The following HTR4 variants were observed in gnomAD, a reference collection of about 807,000 sequenced individuals.
HTR4 encodes the protein 5-hydroxytryptamine receptor 4, also known as 5-hydroxytryptamine (serotonin) receptor 4, G protein-coupled.
Under a neutral mutation model 36.8 loss-of-function variants are expected in HTR4, and 16 were observed. The ratio of observed to expected loss-of-function variants is 0.43; its 90% CI spans 0.29 to 0.66. HTR4 has a LOEUF of 0.66. Ranked by LOEUF, HTR4 falls within the 30% of genes least tolerant of loss-of-function variation. The pLI, the probability that HTR4 is intolerant of heterozygous loss-of-function variation, is 0.13. For synonymous variants in HTR4, 189 were observed against 185.1 expected (o/e 1.02, Z -0.17); for missense variants, 438 against 490.9 (o/e 0.89, Z 1.02).
intron 5 of HTR4, among the ~76,000 whole-genome samples, chr5:148,466,505 C>T (rs756757378): frequency 2.0e-5 from 3 of 152,098 alleles, no homozygotes; most frequent in Admixed American, 6.5e-5. Context: ...GGAGCCATGA[C>T]GTACTCATTC....
chr5:148,523,370 G>A (rs748875247), intron 4 of HTR4, 24 bp from the exon 5 acceptor site: 15 of 1,579,214 alleles, frequency 9.5e-6, no homozygotes, highest in Non-Finnish European at 1.3e-5. Flanking sequence ...AGAGGGCAGA[G>A]CATAGGCATG....
chr5:148,611,633 C>T (rs369816190), intron 2 of HTR4, among the ~76,000 whole-genome samples: 1 of 148,156 alleles, frequency 6.7e-6, no homozygotes, highest in South Asian at 2.3e-4. Flanking sequence ...CGAGCAAAAT[C>T]ACCAGCTAAC....
At chr5:148,594,246 T>G (rs1208963813) in intron 2 of HTR4, among the ~76,000 whole-genome samples, 1 of 152,140 alleles carries the variant, frequency 6.6e-6, no homozygotes, top group East Asian at 1.9e-4. Flanking sequence ...AAGTGAGTTC[T>G]TAAAGGCGAA....
At chr5:148,619,840 A>C (rs1752848393) in intron 2 of HTR4, among the ~76,000 whole-genome samples, 1 of 152,216 alleles carries the variant, frequency 6.6e-6, no homozygotes, top group Admixed American at 6.5e-5. Flanking sequence ...GAAAAGCATG[A>C]AACATATCAG....
chr5:148,478,862 TTACTC>T (rs1375218707), downstream of HTR4, among the ~76,000 whole-genome samples: 1 of 152,176 alleles, frequency 6.6e-6, no homozygotes, highest in Non-Finnish European at 1.5e-5. Flanking sequence ...ACTCTGGACA[TTACTC>T]TGTCTCCTGA....
chr5:148,626,684 AT>A (rs1352692168), intron 2 of HTR4, among the ~76,000 whole-genome samples: 2 of 152,206 alleles, frequency 1.3e-5, no homozygotes, highest in Non-Finnish European at 2.9e-5. Context: ...GAATAAAATG[AT>A]CCCTTTGGTC....
chr5:148,630,995 G>A (rs1432654521), intron 2 of HTR4, among the ~76,000 whole-genome samples: 3 of 152,162 alleles, frequency 2.0e-5, no homozygotes, highest in Non-Finnish European at 4.4e-5. Context: ...TTCAGAAGAT[G>A]TATAGGATCA....
Position 148,500,610 on chromosome 5 carries a change from A to G in HTR4, c.1076+8846T>C, listed in dbSNP as rs114729014. Among the ~76,000 whole-genome samples, 1,256 of 152,030 alleles carry G rather than the reference A, an allele frequency of 8.3e-3. 14 individuals are homozygous for G. The highest frequency in any genetic ancestry group is 0.029 in the African/African-American group (1,208 of 41,464). On this transcript the variant is annotated intron_variant, in intron 6 of 6. Coordinates refer to ENST00000377888, the MANE Select transcript of HTR4 (RefSeq NM_000870.7). The stretch of plus-strand genomic sequence containing the variant: ...ATGGGGAGGTGTATTTGCCAATTCT[A>G]TGACACCAGATGAATATACAGAATA...
At chr5:148,505,214 C>CA (rs1757135468) in intron 6 of HTR4, among the ~76,000 whole-genome samples, 1 of 152,132 alleles carries the variant, frequency 6.6e-6, no homozygotes, top group African/African-American at 2.4e-5. Flanking sequence ...AAGGCTGGTT[C>CA]AACATATGCA....
chr5:148,501,955 G>A (rs1290682860), intron 6 of HTR4, among the ~76,000 whole-genome samples: 2 of 152,034 alleles, frequency 1.3e-5, no homozygotes, highest in African/African-American at 4.8e-5. Flanking sequence ...AGCTACTGGG[G>A]AGGATGAGGA....
chr5:148,475,489 G>C (rs1349825433), downstream of HTR4, among the ~76,000 whole-genome samples: 3 of 152,174 alleles, frequency 2.0e-5, no homozygotes, highest in African/African-American at 7.2e-5. Context: ...TATTAGGAGT[G>C]TCATAAGAAG....
At chr5:148,518,755 A>T in intron 5 of HTR4, among the ~76,000 whole-genome samples, 1 of 152,060 alleles carries the variant, frequency 6.6e-6, no homozygotes, top group East Asian at 1.9e-4. Flanking sequence ...GAACTACCCA[A>T]GCATGCTCCC....
At chr5:148,519,022 C>T (rs1440848173) in intron 5 of HTR4, among the ~76,000 whole-genome samples, 1 of 151,746 alleles carries the variant, frequency 6.6e-6, no homozygotes, top group Non-Finnish European at 1.5e-5. Context: ...TTTTTTTTAC[C>T]ATTAATTTCT....
At chr5:148,528,337 G>C (rs141842353) in intron 4 of HTR4, among the ~76,000 whole-genome samples, 2,303 of 152,166 alleles carry the variant, frequency 0.015, 22 homozygotes, top group Middle Eastern at 0.048. Flanking sequence ...TAGAACATAA[G>C]GTTCTTATTT....
chr5:148,465,871 A>C, intron 5 of HTR4: 1 of 1,613,182 alleles, frequency 6.2e-7, no homozygotes. Flanking sequence ...AGAGTTAGAC[A>C]GGAACTGGTC....
intron 5 of HTR4, among the ~76,000 whole-genome samples, chr5:148,469,244 G>A (rs999105018): frequency 6.6e-6 from 1 of 152,094 alleles, no homozygotes; most frequent in Non-Finnish European, 1.5e-5. Context: ...TAGAAACAAC[G>A]GGGTGATATG....
chr5:148,571,890 A>G (rs1375154908), intron 2 of HTR4, among the ~76,000 whole-genome samples: 1 of 152,088 alleles, frequency 6.6e-6, no homozygotes, highest in Non-Finnish European at 1.5e-5. Flanking sequence ...ATCTTCCATA[A>G]AAAGCTGTAA....
At chr5:148,572,310 T>C (rs1031772752) in intron 2 of HTR4, among the ~76,000 whole-genome samples, 1 of 152,134 alleles carries the variant, frequency 6.6e-6, no homozygotes, top group Non-Finnish European at 1.5e-5. Flanking sequence ...CCTATGGTTA[T>C]AGATATTATG....
chr5:148,590,479 A>T (rs1039407891), intron 2 of HTR4, among the ~76,000 whole-genome samples: 4 of 151,320 alleles, frequency 2.6e-5, no homozygotes, highest in African/African-American at 9.7e-5. Context: ...GATTTTTAAT[A>T]GAGACGGGGT....
Sources: allele counts gnomAD v4.1 joint callset (sites outside exome capture counted in the v4.1 genomes callset), GRCh38; gene constraint gnomAD v4.1.1; transcripts MANE v1.5; gene names NCBI Gene and HGNC (gene_info 2026-07-23, HGNC 2026-07-21).